PPM1L: variants seen among roughly 807,000 people sequenced by gnomAD.
The protein encoded by PPM1L is protein phosphatase, Mg2+/Mn2+ dependent 1L.
PPM1L carries 13 observed loss-of-function variants against 31.4 expected under a neutral mutation model. That is an observed-to-expected ratio of 0.41 (90% CI 0.27 to 0.66). PPM1L has a LOEUF of 0.66. PPM1L is among the 30% of genes least tolerant of loss of function. The probability of loss-of-function intolerance (pLI) is 0.29; values close to 1 mark genes in which losing one functional copy is unlikely to be tolerated. For synonymous variants in PPM1L, 184 were observed against 175.4 expected (o/e 1.05, Z -0.39); for missense variants, 326 against 453.7 (o/e 0.72, Z 2.56).
Position 160,756,317 on chromosome 3 carries a change from G to A in PPM1L, c.9G>A (p.Glu3=), listed in dbSNP as rs1714801656. 1 of 1,612,478 alleles carries A rather than the reference G, an allele frequency of 6.2e-7. No homozygotes were observed. The highest frequency in any genetic ancestry group is 8.5e-7 in the Non-Finnish European group (1 of 1,178,808). The part of the protein sequence containing the change: MI[E]DTMTLLSLLG... ...GGCTCTAGCGATAATAAATGATAGA[G>A]GATACAATGACTTTGCTGTCTCTGC... is the stretch of plus-strand genomic sequence containing the variant. The change falls in exon 1 of 4, where the codon GAG becomes GAA. Residue 3 remains glutamate, a synonymous_variant. Coordinates refer to ENST00000498165, the MANE Select transcript of PPM1L (RefSeq NM_139245.4). The surrounding 1 kb of genome is among the most constrained non-coding windows in gnomAD (Gnocchi z 6.2).
At chr3:160,849,332 C>T (rs1714185257) in intron 1 of PPM1L, among the ~76,000 whole-genome samples, 1 of 152,194 alleles carries the variant, frequency 6.6e-6, no homozygotes, top group Admixed American at 6.5e-5. Flanking sequence ...CTTTCACATT[C>T]AGCATTCCCT....
chr3:160,823,989 C>G (rs962827936), intron 1 of PPM1L, among the ~76,000 whole-genome samples: 1 of 152,010 alleles, frequency 6.6e-6, no homozygotes, highest in Non-Finnish European at 1.5e-5. Flanking sequence ...CATTTCATAT[C>G]GAGACAAAGT....
intron 1 of PPM1L, among the ~76,000 whole-genome samples, chr3:160,953,737 G>A (rs1053102264): frequency 1.3e-5 from 2 of 152,142 alleles, no homozygotes; most frequent in African/African-American, 4.8e-5. Context: ...TCGTGATGGT[G>A]GTGGATATTC....
intron 2 of PPM1L, among the ~76,000 whole-genome samples, chr3:161,034,702 G>A (rs1036994867): frequency 6.6e-6 from 1 of 151,648 alleles, no homozygotes; most frequent in Non-Finnish European, 1.5e-5. Flanking sequence ...GGGGGGTGGA[G>A]GACTAGGGGA....
intron 1 of PPM1L, among the ~76,000 whole-genome samples, chr3:160,814,711 A>G (rs28631507): frequency 6.7e-6 from 1 of 149,328 alleles, no homozygotes; most frequent in Non-Finnish European, 1.5e-5. Flanking sequence ...GTGTATATAT[A>G]TGTGTATGTA....
At chr3:160,821,109 G>T (rs551465010) in intron 1 of PPM1L, among the ~76,000 whole-genome samples, 92 of 152,072 alleles carry the variant, frequency 6.0e-4, no homozygotes, top group African/African-American at 2.1e-3. Flanking sequence ...GGTGTGTGCT[G>T]TATGAGAATC....
Position 161,070,310 on chromosome 3 carries a change from TCTC to T in PPM1L, c.*1156_*1158del, listed in dbSNP as rs1719867701. 1 of 152,206 alleles carries T rather than the reference TCTC, an allele frequency of 6.6e-6. No individual in the cohort carries two copies. Among genetic ancestry groups the T allele is most frequent in the African/African-American group, 2.4e-5 (1 of 41,448 alleles). 9.4% of individuals were successfully genotyped at this position (152,206 alleles called of 1,614,324 possible). ...TGGTGGGAAACTACTGGGATAAGCT[TCTC>T]CTTGACAATGGAAAGGCAGCAGTCT... On this transcript the variant is annotated 3_prime_UTR_variant, in exon 4 of 4. Coordinates refer to ENST00000498165, the MANE Select transcript of PPM1L (RefSeq NM_139245.4).
intron 1 of PPM1L, among the ~76,000 whole-genome samples, chr3:160,918,129 C>T (rs1218855577): frequency 6.6e-6 from 1 of 152,156 alleles, no homozygotes; most frequent in Non-Finnish European, 1.5e-5. Flanking sequence ...CCTTTGAGCT[C>T]CCTTTGCTTA....
chr3:161,068,501 T>G (rs1318041320), intron 3 of PPM1L, among the ~76,000 whole-genome samples: 2 of 152,224 alleles, frequency 1.3e-5, no homozygotes, highest in East Asian at 3.9e-4. Flanking sequence ...TGCTCTCTAC[T>G]GTCAATCACT....
chr3:160,762,463 C>T (rs1287579996), intron 1 of PPM1L, among the ~76,000 whole-genome samples: 1 of 152,114 alleles, frequency 6.6e-6, no homozygotes, highest in Non-Finnish European at 1.5e-5. Context: ...AGTTTGGCAC[C>T]TGTGAAAAGC....
intron 2 of PPM1L, among the ~76,000 whole-genome samples, chr3:160,999,254 A>T (rs1301835904): frequency 6.6e-6 from 1 of 152,178 alleles, no homozygotes; most frequent in African/African-American, 2.4e-5. Flanking sequence ...TAACTTGCTC[A>T]AGGACACAGT....
intron 1 of PPM1L, among the ~76,000 whole-genome samples, chr3:160,870,945 C>T (rs1450639676): frequency 6.6e-6 from 1 of 152,018 alleles, no homozygotes; most frequent in East Asian, 1.9e-4. Flanking sequence ...ATGGGACCTG[C>T]CCACTTGTCT....
At chr3:160,985,976 C>A (rs928988160) in intron 2 of PPM1L, among the ~76,000 whole-genome samples, 24 of 42,578 alleles carry the variant, frequency 5.6e-4, no homozygotes, top group African/African-American at 1.7e-3. Flanking sequence ...CACTCTCCAC[C>A]CACCCAAAAA....
At chr3:160,808,615 GC>G (rs1712714722) in intron 1 of PPM1L, among the ~76,000 whole-genome samples, 1 of 152,118 alleles carries the variant, frequency 6.6e-6, no homozygotes, top group African/African-American at 2.4e-5. Context: ...GAAGCAGCCA[GC>G]CCCAAAGAGC....
At chr3:161,026,817 G>A (rs1718411462) in intron 2 of PPM1L, among the ~76,000 whole-genome samples, 1 of 151,000 alleles carries the variant, frequency 6.6e-6, no homozygotes, top group African/African-American at 2.5e-5. Flanking sequence ...GGTAATGGGT[G>A]GTGAACAAGA....
At chr3:160,899,690 A>G (rs945828333) in intron 1 of PPM1L, among the ~76,000 whole-genome samples, 1 of 152,174 alleles carries the variant, frequency 6.6e-6, no homozygotes, top group Admixed American at 6.6e-5. Flanking sequence ...GTTTTGTGTT[A>G]TTTAATAAGT....
At chr3:160,891,813 A>C (rs190193084) in intron 1 of PPM1L, among the ~76,000 whole-genome samples, 12 of 152,384 alleles carry the variant, frequency 7.9e-5, no homozygotes, top group Non-Finnish European at 1.5e-5. Flanking sequence ...AATACTATGC[A>C]GTCATAAAAA....
rs1457548660 is a variant in PPM1L, at chr3:160,872,522, A to G, written c.400-89214A>G. Among the ~76,000 whole-genome samples the G allele has an allele frequency of 2.0e-5, 3 of 152,342 alleles. No homozygotes were observed. The South Asian group carries it at 6.2e-4, about 32-fold the overall frequency. On this transcript the variant is annotated intron_variant, in intron 1 of 3. Transcript: ENST00000498165. ...TTTCTCCATTATTTTGTGCTCACTT[A>G]TATAACAGGGAACAAACCAGAATTA...
chr3:161,019,949 A>T (rs1718193342), intron 2 of PPM1L, among the ~76,000 whole-genome samples: 1 of 151,514 alleles, frequency 6.6e-6, no homozygotes, highest in South Asian at 2.1e-4. Context: ...ATGGTGAAAA[A>T]CCCCCTCTCT....
Sources: allele counts gnomAD v4.1 joint callset (sites outside exome capture counted in the v4.1 genomes callset), GRCh38; gene constraint gnomAD v4.1.1; non-coding constraint Gnocchi (gnomAD v3.1); transcripts MANE v1.5; gene names NCBI Gene and HGNC (gene_info 2026-07-23, HGNC 2026-07-21).